The following GRID2 variants were observed in gnomAD, a reference collection of about 807,000 sequenced individuals.
The protein encoded by GRID2 is glutamate ionotropic receptor delta type subunit 2, also known as glutamate receptor ionotropic, delta-2.
A neutral mutation model predicts 114.8 loss-of-function variants in GRID2; 33 were observed. That is an observed-to-expected ratio of 0.29 (90% confidence interval 0.22 to 0.38). GRID2 has a LOEUF of 0.38. Ranked by LOEUF, GRID2 falls within the 10% of genes least tolerant of loss-of-function variation. GRID2 has a pLI of 1.00. For missense variants in GRID2, 1,184 were observed against 1,257.7 expected (o/e 0.94, Z 0.89); for synonymous variants, 505 against 449.9 (o/e 1.12, Z -1.55).
intron 2 of GRID2, among the ~76,000 whole-genome samples, chr4:92,637,507 A>G (rs962396754): frequency 2.6e-5 from 4 of 152,198 alleles, no homozygotes; most frequent in Non-Finnish European, 1.5e-5. Flanking sequence ...AAAGGACCAC[A>G]TAACTTGTAT....
At chr4:92,718,761 C>CAA (rs3077559) in intron 2 of GRID2, among the ~76,000 whole-genome samples, 7,418 of 40,990 alleles carry the variant, frequency 0.18, 610 homozygotes, top group East Asian at 0.31. Flanking sequence ...AGACCCTGTC[C>CAA]AAAAAAAAAA....
chr4:93,178,072 GAA>G (rs34280329), intron 4 of GRID2, among the ~76,000 whole-genome samples: 2 of 140,890 alleles, frequency 1.4e-5, no homozygotes, highest in Admixed American at 7.1e-5. Flanking sequence ...TACTCAACTT[GAA>G]AAAAAAAAAA....
At chr4:93,412,577 A>C (rs758090557) in intron 9 of GRID2, among the ~76,000 whole-genome samples, 30 of 151,964 alleles carry the variant, frequency 2.0e-4, no homozygotes, top group African/African-American at 2.4e-4. Flanking sequence ...TTTCACTTTT[A>C]TTTTTCTTTT....
At chr4:93,192,417 C>T (rs1345879909) in intron 4 of GRID2, among the ~76,000 whole-genome samples, 1 of 151,994 alleles carries the variant, frequency 6.6e-6, no homozygotes, top group African/African-American at 2.4e-5. Flanking sequence ...AGATTTTATT[C>T]CTAAAAGCAA....
chr4:92,362,578 A>G (rs1294683396), intron 1 of GRID2, among the ~76,000 whole-genome samples: 2 of 152,016 alleles, frequency 1.3e-5, no homozygotes, highest in African/African-American at 2.4e-5. Flanking sequence ...ATTATTTTAC[A>G]TTTTTGTTGT....
At chr4:92,900,235 TA>T (rs1747469507) in intron 2 of GRID2, among the ~76,000 whole-genome samples, 1 of 152,172 alleles carries the variant, frequency 6.6e-6, no homozygotes, top group African/African-American at 2.4e-5. Flanking sequence ...TGCAGGAAGC[TA>T]GGGGCAGAGA....
intron 2 of GRID2, among the ~76,000 whole-genome samples, chr4:92,960,199 G>A (rs6816470): frequency 0.016 from 2,411 of 151,982 alleles, 68 homozygotes; most frequent in African/African-American, 0.055. Flanking sequence ...GTTTACCTTG[G>A]TGAATTTTCC....
At chr4:92,690,043 A>G (rs1366612346) in intron 2 of GRID2, among the ~76,000 whole-genome samples, 1 of 151,988 alleles carries the variant, frequency 6.6e-6, no homozygotes, top group East Asian at 1.9e-4. Context: ...TACTATTCAT[A>G]TGTTTACTGG....
chr4:93,130,335 G>A (rs1021320623), intron 4 of GRID2, among the ~76,000 whole-genome samples: 1 of 152,114 alleles, frequency 6.6e-6, no homozygotes, highest in South Asian at 2.1e-4. Flanking sequence ...TTCCTGCTTA[G>A]GAGGCTAAGG....
intron 13 of GRID2, among the ~76,000 whole-genome samples, chr4:93,595,978 A>T (rs1441050795): frequency 2.0e-5 from 3 of 152,166 alleles, no homozygotes; most frequent in Non-Finnish European, 4.4e-5. Context: ...TTTGACACGA[A>T]TTTTATGGCT....
rs72882133 is a variant in GRID2, at chr4:92,408,014, C to T, written c.88+103270C>T. On this transcript the variant is annotated intron_variant, in intron 1 of 15. Transcript: ENST00000282020. The stretch of plus-strand genomic sequence containing the variant: ...GCCATAAATTCCTTGCCAAAGTCTA[C>T]GTAGAAAAGGATATTTCCTAGGTTT... Among the ~76,000 whole-genome samples the T allele has an allele frequency of 4.2e-3, 637 of 152,158 alleles. 4 individuals carry two copies. The highest frequency in any genetic ancestry group is 0.014 in the African/African-American group (595 of 41,542).
At chr4:92,734,699 TC>T (rs1417057778) in intron 2 of GRID2, among the ~76,000 whole-genome samples, 1 of 152,100 alleles carries the variant, frequency 6.6e-6, no homozygotes, top group African/African-American at 2.4e-5. Flanking sequence ...TTTCTCTTCA[TC>T]TTCATCTTTT....
intron 2 of GRID2, among the ~76,000 whole-genome samples, chr4:93,061,352 A>G (rs1727791592): frequency 6.6e-6 from 1 of 151,886 alleles, no homozygotes; most frequent in Non-Finnish European, 1.5e-5. Flanking sequence ...TTTGGGGACC[A>G]GCGGCTAGAT....
chr4:93,078,611 A>G (rs1441257610), intron 2 of GRID2, among the ~76,000 whole-genome samples: 1 of 149,128 alleles, frequency 6.7e-6, no homozygotes, highest in East Asian at 2.0e-4. Context: ...TATGAAATCT[A>G]TCATTGAAAA....
At chr4:92,892,570 A>T (rs117262379) in intron 2 of GRID2, among the ~76,000 whole-genome samples, 2,220 of 152,324 alleles carry the variant, frequency 0.015, 21 homozygotes, top group East Asian at 0.053. Flanking sequence ...GTGGCAGCTC[A>T]TTCTTTGTTC....
intron 8 of GRID2, among the ~76,000 whole-genome samples, chr4:93,392,351 G>A (rs1413573129): frequency 1.3e-5 from 2 of 152,100 alleles, no homozygotes; most frequent in Non-Finnish European, 2.9e-5. Context: ...GGACTTGTTA[G>A]ATAAGCCTCA....
intron 2 of GRID2, among the ~76,000 whole-genome samples, chr4:93,042,247 A>ATCTCTCTC (rs1166899378): frequency 8.2e-6 from 1 of 121,726 alleles, no homozygotes; most frequent in African/African-American, 3.3e-5. Context: ...TATATTTTAA[A>ATCTCTCTC]TCTCTCTCTC....
intron 2 of GRID2, among the ~76,000 whole-genome samples, chr4:92,912,009 A>G (rs1444627494): frequency 6.6e-6 from 1 of 151,804 alleles, no homozygotes; most frequent in East Asian, 1.9e-4. Flanking sequence ...CCCATATTTT[A>G]TATTTGGGGA....
At chr4:92,655,110 G>C (rs906766800) in intron 2 of GRID2, among the ~76,000 whole-genome samples, 1 of 151,904 alleles carries the variant, frequency 6.6e-6, no homozygotes, top group Non-Finnish European at 1.5e-5. Flanking sequence ...TCTGCATGTG[G>C]TTATGCAGTT....
Sources: allele counts gnomAD v4.1 joint callset (sites outside exome capture counted in the v4.1 genomes callset), GRCh38; gene constraint gnomAD v4.1.1; transcripts MANE v1.5; gene names NCBI Gene and HGNC (gene_info 2026-07-23, HGNC 2026-07-21).